Variants in THAP10 observed in about 807,000 individuals in gnomAD.
THAP10 encodes the protein THAP domain-containing protein 10.
A neutral mutation model predicts 15.7 loss-of-function variants in THAP10; 10 were observed. The observed-to-expected ratio is 0.64, with a 90% CI of 0.39 to 1.08. THAP10 has a LOEUF of 1.08. Among genes scored for constraint, THAP10 ranks in the 50% least tolerant of loss-of-function variants. THAP10 has a pLI of 0.01. For synonymous variants in THAP10, 127 were observed against 129.1 expected, an observed-to-expected ratio of 0.98 and a Z score of 0.11; for missense variants, 310 against 330.9, an observed-to-expected ratio of 0.94 and a Z score of 0.49.
chr15:70,885,766 G>A (rs756098048), intron 1 of THAP10, among the ~76,000 whole-genome samples: 62 of 152,144 alleles, frequency 4.1e-4, no homozygotes, highest in Middle Eastern at 3.4e-3. Flanking sequence ...ATTCAAAATC[G>A]CAGTGGAAGA....
chr15:70,882,227 A>T lies in THAP10; in HGVS notation c.*227T>A, dbSNP rs2033280804. 2.4e-6 allele frequency: 1 copy of T among 410,740 alleles called. No homozygotes were observed. The highest frequency in any genetic ancestry group is 4.3e-6 in the Non-Finnish European group (1 of 232,838). 25.4% of individuals were successfully genotyped at this position (410,740 alleles called of 1,614,324 possible). A position where few individuals can be genotyped will look rare whatever the true frequency, so the allele number is the denominator to read the frequency against. ...TTGTAACCTGATTTCTACCAAAAGG[A>T]TTAAAAGAAAAAAAAAGGTGAAAGT... is the stretch of plus-strand genomic sequence containing the variant. On this transcript the variant is annotated 3_prime_UTR_variant, in exon 3 of 3. Coordinates refer to ENST00000249861, the MANE Select transcript of THAP10 (RefSeq NM_020147.4).
rs1315044889 is a variant in THAP10 at position 70,892,386 on chromosome 15, G to A, written c.-114C>T. 1 of 1,544,768 alleles carries A rather than the reference G, an allele frequency of 6.5e-7. No homozygotes were observed. Among genetic ancestry groups the A allele is most frequent in the Admixed American group, 2.0e-5 (1 of 50,974 alleles). ...TCCCCTCCTCACCTGTCCACTCCGG[G>A]TCGGGATTGTTTCCTTCCCTACCTC... is the stretch of plus-strand genomic sequence containing the variant. On this transcript the variant is annotated 5_prime_UTR_variant, in exon 1 of 3. Transcript: ENST00000249861.
chr15:70,882,978 A>G (rs1390532267), intron 1 of THAP10, 70 bp from the exon 2 acceptor site: 1 of 1,531,806 alleles, frequency 6.5e-7, no homozygotes, highest in Non-Finnish European at 8.9e-7. Context: ...CAAAAGTTAC[A>G]AGTAGTAAGA....
chr15:70,882,405 G>A lies in THAP10; in HGVS notation c.*49C>T. 2.2e-6 allele frequency: 3 copies of A among 1,377,924 alleles called. No individual in the cohort carries two copies. Among genetic ancestry groups the A allele is most frequent in the Non-Finnish European group, 3.0e-6 (3 of 990,582 alleles). The allele number at this position is 1,377,924 out of a possible 1,614,324, so 85.4% of individuals were successfully genotyped here. The stretch of plus-strand genomic sequence containing the variant: ...CAATAGCAAAGAGATAATTATGTGA[G>A]TAAAGATTTGAAAATCTATAGCACA... On this transcript the variant is annotated 3_prime_UTR_variant, in exon 3 of 3. Transcript: ENST00000249861.
At position 70,891,986 on chromosome 15, in the gene THAP10, G is replaced by A. The variant is rs1172413726; in HGVS notation, c.287C>T (p.Ala96Val). The change falls in exon 1 of 3, where the codon GCA becomes GTA. Residue 96 changes from alanine (A) to valine (V), a missense_variant. Physicochemically the swap from Ala to Val is moderately conservative, Grantham distance 64. Transcript: ENST00000249861. ...VPTLHRVPAP[A>V]PKRGEEGDQA... is the part of the protein sequence containing the mutation. ...GTCTCCCTCCTCTCCCCTCTTAGGTGCCGGGGCGGGCACCCGGTGCAGGGT... is the reference window on the plus strand; with the variant it reads ...GTCTCCCTCCTCTCCCCTCTTAGGTACCGGGGCGGGCACCCGGTGCAGGGT... 3 of 1,613,094 alleles carry A rather than the reference G, an allele frequency of 1.9e-6. No individual in the cohort carries two copies. The highest frequency in any genetic ancestry group is 2.7e-5 in the African/African-American group (2 of 74,916).
Position 70,886,378 on chromosome 15 carries a change from A to T in THAP10, c.430-3470T>A, listed in dbSNP as rs540870354. Among the ~76,000 whole-genome samples, 3 of 152,352 alleles carry T rather than the reference A, an allele frequency of 2.0e-5. No individual in the cohort carries two copies. In the East Asian group the frequency reaches 5.8e-4, roughly 29 times the overall value. On this transcript the variant is annotated intron_variant, in intron 1 of 2. Coordinates refer to ENST00000249861, the MANE Select transcript of THAP10 (RefSeq NM_020147.4). ...TTTGTGAAATAAGCTTGTGAAACTT[A>T]GCTGCACCATTTAACATTCACCATA...
In THAP10 at chr15:70,882,775, C is replaced by A; in HGVS notation, c.563G>T (p.Arg188Leu). The A allele has an allele frequency of 2.5e-6, 4 of 1,614,124 alleles. No homozygotes were observed. In the Admixed American group the frequency reaches 5.0e-5, roughly 20 times the overall value. The change falls in exon 2 of 3, where the codon CGT becomes CTT. Residue 188 changes from arginine (R) to leucine (L), a missense_variant. Transcript: ENST00000249861. ...KSTQISLKRPRHRSVGIQAKV... is the reference protein window; with the variant it reads ...KSTQISLKRPLHRSVGIQAKV... ...TCAAAACATACCCACACTACGGTGACGGGGCCTTTTCAAAGAAATTTGTGT... is the reference window on the plus strand; with the variant it reads ...TCAAAACATACCCACACTACGGTGAAGGGGCCTTTTCAAAGAAATTTGTGT...
chr15:70,885,389 C>T (rs1018923989), intron 1 of THAP10, among the ~76,000 whole-genome samples: 1 of 152,056 alleles, frequency 6.6e-6, no homozygotes, highest in African/African-American at 2.4e-5. Flanking sequence ...TACTATAAAC[C>T]CTTTCTATTT....
At position 70,884,599 on chromosome 15, in the gene THAP10, A is replaced by G. The variant is rs961641263; in HGVS notation, c.430-1691T>C. On this transcript the variant is annotated intron_variant, in intron 1 of 2. Coordinates refer to ENST00000249861, the MANE Select transcript of THAP10 (RefSeq NM_020147.4). ...AAATTCCTGTGAAGAGTCCCTTTGT[A>G]ACACAAATCTTATTTAAAGGGTTTA... is the stretch of plus-strand genomic sequence containing the variant. Among the ~76,000 whole-genome samples, 199 of 152,222 alleles carry G rather than the reference A, an allele frequency of 1.3e-3. 2 individuals carry two copies. The highest frequency in any genetic ancestry group is 5.9e-5 in the Non-Finnish European group (4 of 68,010).
chr15:70,885,971 T>C (rs2141087667), intron 1 of THAP10, among the ~76,000 whole-genome samples: 1 of 152,270 alleles, frequency 6.6e-6, no homozygotes, highest in African/African-American at 2.4e-5. Context: ...TAAGTCCATA[T>C]ATTGCATTTT....
Position 70,882,564 on chromosome 15 carries a change from G to C in THAP10, c.664C>G (p.Leu222Val), listed in dbSNP as rs746416963. Residue 222 changes from leucine (L) to valine (V), a missense_variant, in exon 3 of 3, where the codon CTC (leucine) becomes GTC (valine). Physicochemically the swap from Leu to Val is conservative, Grantham distance 32. Coordinates refer to ENST00000249861, the MANE Select transcript of THAP10 (RefSeq NM_020147.4). The part of the protein sequence containing the change: ...TEELWSRTSS[L>V]FDIYSSDSET... ...GAATCACTGGAGTAAATGTCAAAGA[G>C]AGAGGAAGTTCTAGACCACAATTCC... 2.5e-5 allele frequency: 41 copies of C among 1,613,476 alleles called. No individual in the cohort carries two copies. Among genetic ancestry groups the C allele is most frequent in the Admixed American group, 8.3e-5 (5 of 60,004 alleles).
intron 1 of THAP10, among the ~76,000 whole-genome samples, chr15:70,890,549 T>C (rs963174598): frequency 2.6e-5 from 4 of 152,190 alleles, no homozygotes; most frequent in Non-Finnish European, 5.9e-5. Context: ...CATTCTAATA[T>C]GAGAAACAAA....
chr15:70,882,445 G>A lies in THAP10; in HGVS notation c.*9C>T. On this transcript the variant is annotated 3_prime_UTR_variant, in exon 3 of 3. Transcript: ENST00000249861. ...TCTATAGCACATCAGAGCATTTGAT[G>A]TTGAGTTTTTAACATGTTTCTTCTT... The A allele has an allele frequency of 1.2e-6, 2 of 1,600,120 alleles. No individual in the cohort carries two copies. Among genetic ancestry groups the A allele is most frequent in the Non-Finnish European group, 1.7e-6 (2 of 1,171,284 alleles).
intron 1 of THAP10, among the ~76,000 whole-genome samples, chr15:70,886,182 GT>G (rs1415529811): frequency 6.6e-6 from 1 of 152,130 alleles, no homozygotes; most frequent in East Asian, 1.9e-4. Flanking sequence ...GCCATGTTAG[GT>G]GGGGACTTAT....
chr15:70,882,828 G>A lies in THAP10; in HGVS notation c.510C>T (p.His170=), dbSNP rs12909568. The change falls in exon 2 of 3, where the codon CAC becomes CAT. Residue 170 remains histidine, a synonymous_variant. Coordinates refer to ENST00000249861, the MANE Select transcript of THAP10 (RefSeq NM_020147.4). ...TTTTATGCACTGGGCCTTCTTCACAGTGAGTAGGTACTGAAGTGACAGTAT... is the reference window on the plus strand; with the variant it reads ...TTTTATGCACTGGGCCTTCTTCACAATGAGTAGGTACTGAAGTGACAGTAT... ...PSNTVTSVPT[H]CEEGPVHKST... The A allele has an allele frequency of 9.7e-3, 15,720 of 1,614,150 alleles. 97 individuals carry two copies. Among genetic ancestry groups the A allele is most frequent in the Non-Finnish European group, 0.011 (13,328 of 1,179,988 alleles).
At chr15:70,883,349 G>A (rs887235072) in intron 1 of THAP10, among the ~76,000 whole-genome samples, 5 of 151,856 alleles carry the variant, frequency 3.3e-5, no homozygotes, top group African/African-American at 1.2e-4. Context: ...GCGCCACCAC[G>A]CCCAGCTAAT....
intron 1 of THAP10, among the ~76,000 whole-genome samples, chr15:70,884,743 A>G (rs1053118683): frequency 1.3e-5 from 2 of 152,210 alleles, no homozygotes; most frequent in African/African-American, 4.8e-5. Context: ...TCTGGATAAA[A>G]TAGAGTTTTA....
Position 70,882,568 on chromosome 15 carries a change from G to A in THAP10, c.660C>T (p.Ser220=). 5 of 1,613,978 alleles carry A rather than the reference G, an allele frequency of 3.1e-6. No individual in the cohort carries two copies. Among genetic ancestry groups the A allele is most frequent in the Non-Finnish European group, 4.2e-6 (5 of 1,179,870 alleles). Residue 220 remains serine, a synonymous_variant, in exon 3 of 3, where the codon TCC becomes TCT. Transcript: ENST00000249861. ...CACTGGAGTAAATGTCAAAGAGAGA[G>A]GAAGTTCTAGACCACAATTCCTCTG... ...TQTEELWSRT[S]SLFDIYSSDS...
intron 1 of THAP10, among the ~76,000 whole-genome samples, chr15:70,890,915 C>G (rs1415320123): frequency 2.0e-5 from 3 of 152,066 alleles, no homozygotes; most frequent in African/African-American, 7.2e-5. Flanking sequence ...AAAAAACATG[C>G]AGGGCCATGT....
Sources: gnomAD v4.1 joint callset for allele counts (sites outside exome capture counted in the v4.1 genomes callset) on GRCh38, gnomAD v4.1.1 for gene constraint, MANE v1.5 for transcripts, NCBI Gene and HGNC (gene_info 2026-07-23, HGNC 2026-07-21) for gene names.